The following FBXL17 variants were observed in gnomAD, a reference collection of about 807,000 sequenced individuals.
The protein encoded by FBXL17 is F-box and leucine rich repeat protein 17, also known as F-box/LRR-repeat protein 17.
A neutral mutation model predicts 66.2 loss-of-function variants in FBXL17; 22 were observed. That is an observed-to-expected ratio of 0.33 (90% CI 0.24 to 0.47). FBXL17 has a LOEUF of 0.47. Among genes scored for constraint, FBXL17 ranks in the 20% least tolerant of loss-of-function variants. The pLI, the probability that FBXL17 is intolerant of heterozygous loss-of-function variation, is 1.00. For missense variants in FBXL17, 878 were observed against 948.2 expected, an observed-to-expected ratio of 0.93 and a Z score of 0.97; for synonymous variants, 474 against 400.5, an observed-to-expected ratio of 1.18 and a Z score of -2.19.
intron 6 of FBXL17, among the ~76,000 whole-genome samples, chr5:108,045,626 C>T (rs1482186046): frequency 6.6e-6 from 1 of 152,110 alleles, no homozygotes; most frequent in African/African-American, 2.4e-5. Flanking sequence ...TAGCAGTTTT[C>T]TAATACCAAA....
At chr5:107,939,372 A>G (rs1418654488) in intron 7 of FBXL17, among the ~76,000 whole-genome samples, 1 of 152,098 alleles carries the variant, frequency 6.6e-6, no homozygotes, top group Non-Finnish European at 1.5e-5. Flanking sequence ...GAAAGAGTAA[A>G]TAAGTGACCT....
intron 4 of FBXL17, among the ~76,000 whole-genome samples, chr5:108,286,332 A>G (rs1437855852): frequency 6.6e-6 from 1 of 151,796 alleles, no homozygotes; most frequent in African/African-American, 2.4e-5. Context: ...AACCAAATAG[A>G]AAAAGATGAA....
intron 5 of FBXL17, among the ~76,000 whole-genome samples, chr5:108,202,366 C>A (rs552570893): frequency 1.3e-5 from 2 of 151,920 alleles, no homozygotes; most frequent in African/African-American, 2.4e-5. Flanking sequence ...TAAAAGAGTA[C>A]CCTCACTGAT....
intron 4 of FBXL17, among the ~76,000 whole-genome samples, chr5:108,301,721 T>C (rs1349014659): frequency 6.6e-6 from 1 of 151,740 alleles, no homozygotes; most frequent in Non-Finnish European, 1.5e-5. Context: ...GTATAAATGA[T>C]GTGTATTAAT....
At chr5:107,942,260 T>C (rs1227381775) in intron 7 of FBXL17, among the ~76,000 whole-genome samples, 2 of 152,128 alleles carry the variant, frequency 1.3e-5, no homozygotes, top group East Asian at 3.9e-4. Context: ...AACAAAACTT[T>C]GTCCTCTTAG....
intron 4 of FBXL17, among the ~76,000 whole-genome samples, chr5:108,257,056 A>G (rs1016241594): frequency 2.6e-5 from 4 of 152,216 alleles, no homozygotes; most frequent in African/African-American, 4.8e-5. Flanking sequence ...ATAGGAGTCC[A>G]TTAGGCTTGG....
At chr5:108,247,082 G>A (rs1756134116) in intron 4 of FBXL17, among the ~76,000 whole-genome samples, 1 of 152,178 alleles carries the variant, frequency 6.6e-6, no homozygotes, top group South Asian at 2.1e-4. Context: ...TAAAGGCCCT[G>A]TCTAGTATAT....
At chr5:108,272,767 C>T (rs929104482) in intron 4 of FBXL17, among the ~76,000 whole-genome samples, 1 of 152,130 alleles carries the variant, frequency 6.6e-6, no homozygotes, top group Admixed American at 6.5e-5. Context: ...ATATATATGA[C>T]TAGTGTCCTA....
intron 1 of FBXL17, 107 bp downstream of exon 1, chr5:108,380,592 A>T: frequency 1.5e-6 from 1 of 666,550 alleles, no homozygotes; most frequent in Non-Finnish European, 2.2e-6. Flanking sequence ...CTAGGCTGCC[A>T]GGGAACCCCC....
At chr5:108,315,134 G>A (rs1051793941) in intron 4 of FBXL17, among the ~76,000 whole-genome samples, 1 of 150,354 alleles carries the variant, frequency 6.7e-6, no homozygotes, top group Non-Finnish European at 1.5e-5. Context: ...TCAAAACTCA[G>A]GAAAAAACAT....
chr5:108,361,807 T>C (rs1375454497), intron 3 of FBXL17, among the ~76,000 whole-genome samples: 2 of 152,094 alleles, frequency 1.3e-5, no homozygotes, highest in Non-Finnish European at 2.9e-5. Context: ...GCCCTTCAAA[T>C]AGCTCTCAGG....
chr5:108,188,584 T>C (rs1035579976), intron 5 of FBXL17, among the ~76,000 whole-genome samples: 1 of 152,214 alleles, frequency 6.6e-6, no homozygotes, highest in African/African-American at 2.4e-5. Flanking sequence ...AGAACATAAC[T>C]GGTACTTGGC....
chr5:108,291,167 G>A (rs1355748126), intron 4 of FBXL17, among the ~76,000 whole-genome samples: 3 of 152,152 alleles, frequency 2.0e-5, no homozygotes, highest in African/African-American at 7.2e-5. Context: ...AATGATATGA[G>A]TGGCAATGAT....
chr5:108,306,888 A>G (rs1175806850), intron 4 of FBXL17, among the ~76,000 whole-genome samples: 1 of 152,128 alleles, frequency 6.6e-6, no homozygotes, highest in African/African-American at 2.4e-5. Context: ...ATTGATTGAC[A>G]CTAGCAATTA....
At chr5:107,940,170 T>C (rs1308252069) in intron 7 of FBXL17, among the ~76,000 whole-genome samples, 1 of 152,164 alleles carries the variant, frequency 6.6e-6, no homozygotes, top group Non-Finnish European at 1.5e-5. Context: ...GGCAGAGTTG[T>C]CATTTGAACC....
At chr5:108,220,390 C>T (rs2150071866) in intron 5 of FBXL17, among the ~76,000 whole-genome samples, 1 of 152,254 alleles carries the variant, frequency 6.6e-6, no homozygotes, top group Middle Eastern at 3.4e-3. Flanking sequence ...ATGCACTAAA[C>T]TGAGACAATC....
At chr5:107,911,237 T>C (rs893236485) in intron 7 of FBXL17, among the ~76,000 whole-genome samples, 1 of 152,080 alleles carries the variant, frequency 6.6e-6, no homozygotes, top group Non-Finnish European at 1.5e-5. Flanking sequence ...TGTGGATATA[T>C]GAAAATTTTT....
chr5:108,234,314 C>T (rs372935497), intron 4 of FBXL17, among the ~76,000 whole-genome samples: 4 of 152,140 alleles, frequency 2.6e-5, no homozygotes, highest in African/African-American at 9.7e-5. Flanking sequence ...AAGGCCTTAA[C>T]GTGTGCCCAG....
intron 7 of FBXL17, among the ~76,000 whole-genome samples, chr5:107,901,877 T>C (rs1355726151): frequency 6.6e-6 from 1 of 152,210 alleles, no homozygotes; most frequent in African/African-American, 2.4e-5. Context: ...GGGGCTGTGG[T>C]AAACTGGAAC....
Sources: gnomAD v4.1 joint callset for allele counts (sites outside exome capture counted in the v4.1 genomes callset) on GRCh38, gnomAD v4.1.1 for gene constraint, MANE v1.5 for transcripts, NCBI Gene and HGNC (gene_info 2026-07-23, HGNC 2026-07-21) for gene names.